CNTN3: variants seen among roughly 807,000 people sequenced by gnomAD.
The protein encoded by CNTN3 is contactin-3.
In CNTN3, 60 loss-of-function variants were observed where a neutral mutation model predicts 119.1. That is an observed-to-expected ratio of 0.50 (90% confidence interval 0.41 to 0.62). The LOEUF is 0.62. Ranked by LOEUF, CNTN3 falls within the 20% of genes least tolerant of loss-of-function variation. CNTN3 has a pLI of 0.00. For missense variants in CNTN3, 1,101 were observed against 1,242.4 expected, an observed-to-expected ratio of 0.89 and a Z score of 1.71; for synonymous variants, 450 against 438.7, an observed-to-expected ratio of 1.03 and a Z score of -0.32.
At chr3:74,430,572 C>T (rs1237877768) in intron 4 of CNTN3, among the ~76,000 whole-genome samples, 4 of 152,070 alleles carry the variant, frequency 2.6e-5, no homozygotes, top group African/African-American at 9.6e-5. Flanking sequence ...GAGACCCCAT[C>T]TCTTAAAAAA....
intron 3 of CNTN3, among the ~76,000 whole-genome samples, chr3:74,499,093 A>C (rs537124134): frequency 7.3e-5 from 11 of 150,946 alleles, no homozygotes; most frequent in African/African-American, 2.7e-4. Context: ...ACTTTGCATG[A>C]TATTTGAAAG....
intron 1 of CNTN3, among the ~76,000 whole-genome samples, chr3:74,534,539 T>C (rs904487892): frequency 3.3e-5 from 5 of 152,060 alleles, no homozygotes; most frequent in African/African-American, 1.2e-4. Context: ...AGGTTGTGTT[T>C]AAGATGCTGT....
chr3:74,504,869 T>C (rs527810849), intron 2 of CNTN3, among the ~76,000 whole-genome samples: 3 of 152,104 alleles, frequency 2.0e-5, no homozygotes, highest in South Asian at 2.1e-4. Context: ...TTTTCTAGGG[T>C]TGCTATAACA....
intron 2 of CNTN3, among the ~76,000 whole-genome samples, chr3:74,512,104 C>A (rs1005620480): frequency 6.6e-6 from 1 of 152,082 alleles, no homozygotes; most frequent in East Asian, 1.9e-4. Context: ...TTTTTCATTG[C>A]AGCAGTGGCA....
At chr3:74,456,771 A>T (rs1165775136) in intron 4 of CNTN3, among the ~76,000 whole-genome samples, 1 of 152,080 alleles carries the variant, frequency 6.6e-6, no homozygotes, top group Non-Finnish European at 1.5e-5. Flanking sequence ...TTTCCTTGTT[A>T]TGACTTAGCT....
chr3:74,582,786 TG>T (rs60610101), intron 1 of CNTN3, among the ~76,000 whole-genome samples: 1,959 of 77,148 alleles, frequency 0.025, 35 homozygotes, highest in African/African-American at 0.061. Context: ...TATGCATTTG[TG>T]TGTGTGTGTG....
intron 1 of CNTN3, among the ~76,000 whole-genome samples, chr3:74,594,007 G>C (rs1012895903): frequency 4.0e-5 from 6 of 151,898 alleles, no homozygotes; most frequent in African/African-American, 1.4e-4. Flanking sequence ...TGAAGATGTA[G>C]GCAGCATGGA....
At chr3:74,296,335 G>C (rs1275358693) in intron 18 of CNTN3, among the ~76,000 whole-genome samples, 1 of 152,160 alleles carries the variant, frequency 6.6e-6, no homozygotes, top group African/African-American at 2.4e-5. Flanking sequence ...CCTAGGTCCT[G>C]GATGCACAGG....
intron 4 of CNTN3, among the ~76,000 whole-genome samples, chr3:74,449,517 A>C (rs1297870538): frequency 1.3e-5 from 2 of 152,092 alleles, no homozygotes; most frequent in Non-Finnish European, 2.9e-5. Flanking sequence ...AGTCCTAAAA[A>C]TTCTGATTCT....
intron 4 of CNTN3, among the ~76,000 whole-genome samples, chr3:74,443,054 G>A (rs1701992935): frequency 6.6e-6 from 1 of 152,304 alleles, no homozygotes; most frequent in East Asian, 1.9e-4. Flanking sequence ...TTGCATTCAG[G>A]TTTAATCAGA....
intron 3 of CNTN3, among the ~76,000 whole-genome samples, chr3:74,497,695 C>G (rs1703089209): frequency 6.6e-6 from 1 of 151,802 alleles, no homozygotes. Context: ...CTTCATTTAT[C>G]AAACCTAAAA....
intron 5 of CNTN3, among the ~76,000 whole-genome samples, chr3:74,408,397 C>T (rs992530455): frequency 1.3e-5 from 2 of 152,046 alleles, no homozygotes; most frequent in Admixed American, 6.6e-5. Context: ...TAACAGTGGT[C>T]GGTTTTTCAA....
intron 5 of CNTN3, among the ~76,000 whole-genome samples, chr3:74,372,709 G>C (rs1222177904): frequency 6.6e-6 from 1 of 152,096 alleles, no homozygotes; most frequent in Non-Finnish European, 1.5e-5. Context: ...AAAGGGAACA[G>C]TAAATCAATA....
chr3:74,287,163 A>G (rs969402856), intron 19 of CNTN3, among the ~76,000 whole-genome samples: 7 of 152,062 alleles, frequency 4.6e-5, no homozygotes, highest in African/African-American at 1.4e-4. Flanking sequence ...AGACATCAAA[A>G]CTCCAATTTC....
chr3:74,350,237 T>C (rs990268140), intron 11 of CNTN3, among the ~76,000 whole-genome samples: 2 of 152,140 alleles, frequency 1.3e-5, no homozygotes, highest in African/African-American at 4.8e-5. Flanking sequence ...CCCAGACTTA[T>C]TACTCTTAAG....
intron 13 of CNTN3, among the ~76,000 whole-genome samples, chr3:74,310,906 C>T (rs901614625): frequency 7.2e-5 from 11 of 152,190 alleles, no homozygotes; most frequent in Middle Eastern, 3.4e-3. Flanking sequence ...GGCAGCTGAC[C>T]TATATGGACC....
intron 11 of CNTN3, 104 bp from the exon 12 acceptor site, chr3:74,336,762 A>C (rs2106713326): frequency 2.2e-6 from 2 of 917,926 alleles, no homozygotes; most frequent in East Asian, 5.6e-5. Flanking sequence ...TAGTATTTTT[A>C]AGGCATGATC....
intron 2 of CNTN3, among the ~76,000 whole-genome samples, chr3:74,507,300 C>T (rs1486928545): frequency 6.6e-6 from 1 of 151,894 alleles, no homozygotes; most frequent in Admixed American, 6.6e-5. Context: ...TGCCTATAGT[C>T]CCAGTTACTC....
In CNTN3 at chr3:74,336,587, C is replaced by T; in HGVS notation, c.1436G>A (p.Cys479Tyr). Residue 479 changes from cysteine (C) to tyrosine (Y), a missense_variant, in exon 12 of 23, where the codon TGC becomes TAC. Physicochemically the swap from Cys to Tyr is radical, Grantham distance 194 (BLOSUM62 -2). Transcript: ENST00000263665. ...VTKADAGTYT[C>Y]MAENQFGKAN... is the part of the protein sequence containing the mutation. ...TTTCCCAAACTGGTTTTCTGCCATG[C>T]AGGTGTAAGTTCCAGCATCAGCTTT... The T allele has an allele frequency of 6.2e-7, 1 of 1,612,622 alleles. No individual in the cohort carries two copies. Among genetic ancestry groups the T allele is most frequent in the Non-Finnish European group, 8.5e-7 (1 of 1,178,946 alleles).
Sources: gnomAD v4.1 joint callset for allele counts (sites outside exome capture counted in the v4.1 genomes callset) on GRCh38, gnomAD v4.1.1 for gene constraint, MANE v1.5 for transcripts, NCBI Gene and HGNC (gene_info 2026-07-23, HGNC 2026-07-21) for gene names.